Variants in EYS observed in about 807,000 individuals in gnomAD.
The protein encoded by EYS is EGF-like photoreceptor maintenance factor.
In EYS, 250 loss-of-function variants were observed where a neutral mutation model predicts 282.1. The ratio of observed to expected loss-of-function variants is 0.89; its 90% CI spans 0.80 to 0.98. EYS has a LOEUF of 0.98. Ranked by LOEUF, EYS falls within the 50% of genes least tolerant of loss-of-function variation. The pLI is 0.00. For missense variants in EYS, 4,016 were observed against 3,709.0 expected (o/e 1.08, Z -2.15); for synonymous variants, 1,355 against 1,282.9 (o/e 1.06, Z -1.20).
intron 29 of EYS, among the ~76,000 whole-genome samples, chr6:64,318,430 C>T (rs1252267713): frequency 6.6e-6 from 1 of 151,840 alleles, no homozygotes; most frequent in African/African-American, 2.4e-5. Context: ...AGAGGGCATT[C>T]GATGTGATAA....
At chr6:64,305,551 G>T (rs924916172) in intron 30 of EYS, among the ~76,000 whole-genome samples, 1 of 152,084 alleles carries the variant, frequency 6.6e-6, no homozygotes, top group Admixed American at 6.5e-5. Flanking sequence ...TTGACTAATG[G>T]AGTAGAATGA....
chr6:65,617,181 A>C (rs1488578642), intron 2 of EYS, among the ~76,000 whole-genome samples: 1 of 152,112 alleles, frequency 6.6e-6, no homozygotes, highest in Non-Finnish European at 1.5e-5. Context: ...ATGTATAACT[A>C]AGAAATGTTG....
chr6:64,901,312 A>ATATATATATATATG (rs1311181381), intron 18 of EYS, among the ~76,000 whole-genome samples: 1 of 149,100 alleles, frequency 6.7e-6, no homozygotes, highest in East Asian at 1.9e-4. Context: ...ATATATATAT[A>ATATATATATATATG]TATAGGCAGA....
intron 26 of EYS, among the ~76,000 whole-genome samples, chr6:64,547,764 G>C (rs1311625091): frequency 6.6e-6 from 1 of 152,248 alleles, no homozygotes; most frequent in Non-Finnish European, 1.5e-5. Context: ...ACTGGGCGCT[G>C]TGGAGCAGGG....
chr6:64,387,271 C>T (rs984214714), intron 29 of EYS, among the ~76,000 whole-genome samples: 1 of 152,078 alleles, frequency 6.6e-6, no homozygotes, highest in Non-Finnish European at 1.5e-5. Flanking sequence ...ATTACAACTC[C>T]TCTACTTCTT....
intron 31 of EYS, among the ~76,000 whole-genome samples, chr6:64,222,394 C>T (rs537282549): frequency 3.0e-4 from 46 of 152,128 alleles, no homozygotes; most frequent in African/African-American, 1.1e-3. Context: ...ATTATCTCTG[C>T]TCATTATAGT....
Position 63,984,395 on chromosome 6 carries a change from C to T in EYS, c.7043G>A (p.Gly2348Asp), listed in dbSNP as rs1216041484. The T allele has an allele frequency of 3.9e-6, 6 of 1,548,146 alleles. No homozygotes were observed. The highest frequency in any genetic ancestry group is 2.4e-5 in the South Asian group (2 of 83,994). ...WCAHHLCRNNGTCISDNENLF... is the reference protein window; with the variant it reads ...WCAHHLCRNNDTCISDNENLF... ...GACTAATACTGACCTGATGCAGGTG[C>T]CATTGTTGCGGCACAGATGATGAGC... The change falls in exon 35 of 43, where the codon GGC (glycine) becomes GAC (aspartate). Residue 2348 changes from glycine to aspartate, a missense_variant. Transcript: ENST00000503581.
chr6:64,680,083 GA>G (rs994916939), intron 22 of EYS, among the ~76,000 whole-genome samples: 11 of 149,490 alleles, frequency 7.4e-5, no homozygotes, highest in East Asian at 3.9e-4. Flanking sequence ...CTAGATGATG[GA>G]AAAAAAAACC....
intron 28 of EYS, among the ~76,000 whole-genome samples, chr6:64,389,812 C>T (rs1354988139): frequency 2.6e-5 from 4 of 152,126 alleles, no homozygotes; most frequent in Admixed American, 1.3e-4. Context: ...CAGCTCCCAG[C>T]GTGAGCGACG....
intron 31 of EYS, among the ~76,000 whole-genome samples, chr6:64,194,288 C>T (rs9353596): frequency 1.4e-5 from 1 of 73,052 alleles, no homozygotes; most frequent in Admixed American, 1.4e-4. Context: ...TAATTATTAC[C>T]TTTTAATTTA....
chr6:64,527,906 T>C (rs1325623773), intron 26 of EYS, among the ~76,000 whole-genome samples: 1 of 151,782 alleles, frequency 6.6e-6, no homozygotes, highest in Non-Finnish European at 1.5e-5. Context: ...TTAAAAGTTA[T>C]CATTTAGAGA....
At chr6:64,200,866 A>G (rs1765440585) in intron 31 of EYS, among the ~76,000 whole-genome samples, 2 of 152,226 alleles carry the variant, frequency 1.3e-5, no homozygotes, top group Middle Eastern at 3.4e-3. Flanking sequence ...AAAGTCTCCA[A>G]AGGCTTTGGG....
intron 22 of EYS, among the ~76,000 whole-genome samples, chr6:64,722,480 T>G (rs77185519): frequency 1.6e-4 from 24 of 151,028 alleles, no homozygotes; most frequent in Non-Finnish European, 1.5e-5. Context: ...GACAACATTC[T>G]ACCACCTGTA....
At chr6:64,899,428 T>G (rs1384618684) in intron 18 of EYS, among the ~76,000 whole-genome samples, 1 of 152,090 alleles carries the variant, frequency 6.6e-6, no homozygotes, top group Non-Finnish European at 1.5e-5. Context: ...TCAGGTTATC[T>G]CTGTTTGCAA....
intron 28 of EYS, among the ~76,000 whole-genome samples, chr6:64,409,765 T>C (rs768774982): frequency 1.5e-4 from 23 of 152,130 alleles, no homozygotes; most frequent in Non-Finnish European, 1.6e-4. Flanking sequence ...ACACACACTA[T>C]GGTAATTTGT....
intron 2 of EYS, among the ~76,000 whole-genome samples, chr6:65,626,655 G>A (rs571704768): frequency 6.6e-6 from 1 of 152,238 alleles, no homozygotes; most frequent in East Asian, 1.9e-4. Flanking sequence ...CCCGAATAAG[G>A]AGTAGATTAG....
intron 35 of EYS, among the ~76,000 whole-genome samples, chr6:63,914,018 C>T (rs1173957444): frequency 6.6e-6 from 1 of 152,054 alleles, no homozygotes; most frequent in Non-Finnish European, 1.5e-5. Flanking sequence ...CCTGATGTTA[C>T]TATTGTAATT....
chr6:63,874,229 G>A lies in EYS; in HGVS notation c.7056-9871C>T, dbSNP rs572946973. 7.9e-5 allele frequency among the ~76,000 whole-genome samples: 12 copies of A among 152,100 alleles called. No homozygotes were observed. The South Asian group carries it at 1.0e-3, about 13-fold the overall frequency. On this transcript the variant is annotated intron_variant, in intron 35 of 42. Transcript: ENST00000503581. ...TCTACATATGGCTAGCCAGTTTTCC[G>A]AGCACCATTTGTTAAATAGGGAATC...
chr6:64,305,580 CT>C (rs1406594893), intron 30 of EYS, among the ~76,000 whole-genome samples: 1 of 152,092 alleles, frequency 6.6e-6, no homozygotes. Context: ...GAAATAAACC[CT>C]TATGTATATG....
Sources: allele counts gnomAD v4.1 joint callset (sites outside exome capture counted in the v4.1 genomes callset), GRCh38; gene constraint gnomAD v4.1.1; transcripts MANE v1.5; gene names NCBI Gene and HGNC (gene_info 2026-07-23, HGNC 2026-07-21).